RPS6KA2: variants seen among roughly 807,000 people sequenced by gnomAD.
RPS6KA2 encodes ribosomal protein S6 kinase alpha-2.
Under a neutral mutation model 91.8 loss-of-function variants are expected in RPS6KA2, and 42 were observed. The ratio of observed to expected loss-of-function variants is 0.46; its 90% confidence interval spans 0.36 to 0.59. The LOEUF is 0.59. Ranked by LOEUF, RPS6KA2 falls within the 20% of genes least tolerant of loss-of-function variation. RPS6KA2 has a pLI of 0.00. For missense variants in RPS6KA2, 798 were observed against 978.5 expected (o/e 0.82, Z 2.46); for synonymous variants, 414 against 393.6 (o/e 1.05, Z -0.61).
chr6:166,858,058 G>A, intron 2 of RPS6KA2: 2 of 682,268 alleles, frequency 2.9e-6, no homozygotes, highest in Non-Finnish European at 5.4e-6. Flanking sequence ...ACACGTTTGT[G>A]CATGTGTATG....
At chr6:166,658,984 C>T (rs1788080855) in intron 2 of RPS6KA2, among the ~76,000 whole-genome samples, 1 of 152,150 alleles carries the variant, frequency 6.6e-6, no homozygotes, top group Non-Finnish European at 1.5e-5. Flanking sequence ...ATGACATCCA[C>T]AGGCTTCCCC....
rs940009828 is a variant in RPS6KA2 at position 166,535,257 on chromosome 6, C to T, written c.216+3411G>A. On this transcript the variant is annotated intron_variant, in intron 2 of 20. Transcript: ENST00000265678. ...ACTGCCTCATGATGTCATGGATCAC[C>T]GTGATCTGCTGATTCTCTCAGCAGA... Among the ~76,000 whole-genome samples the T allele has an allele frequency of 2.0e-5, 3 of 152,136 alleles. No homozygotes were observed. The East Asian group carries it at 5.8e-4, about 29-fold the overall frequency.
chr6:166,616,617 C>T (rs1399056379), intron 1 of RPS6KA2, among the ~76,000 whole-genome samples: 1 of 152,212 alleles, frequency 6.6e-6, no homozygotes, highest in Non-Finnish European at 1.5e-5. Flanking sequence ...CGGAAAATGG[C>T]TCCAAAGGCT....
chr6:166,686,500 T>C (rs1389741814), intron 2 of RPS6KA2, among the ~76,000 whole-genome samples: 1 of 152,172 alleles, frequency 6.6e-6, no homozygotes, highest in Admixed American at 6.5e-5. Context: ...CCAGCACACA[T>C]GCTCTGCACC....
At chr6:166,804,287 T>C (rs921587660) in intron 2 of RPS6KA2, among the ~76,000 whole-genome samples, 4 of 151,828 alleles carry the variant, frequency 2.6e-5, no homozygotes, top group Non-Finnish European at 5.9e-5. Context: ...AGGCATTATA[T>C]AGAGCATTAT....
intron 2 of RPS6KA2, among the ~76,000 whole-genome samples, chr6:166,744,498 C>T (rs1187004700): frequency 6.6e-6 from 1 of 152,202 alleles, no homozygotes; most frequent in East Asian, 1.9e-4. Flanking sequence ...TGGCGACAGA[C>T]TTAAGAAAAA....
intron 2 of RPS6KA2, among the ~76,000 whole-genome samples, chr6:166,824,776 CGT>C (rs1491221333): frequency 5.3e-5 from 1 of 18,962 alleles, no homozygotes; most frequent in African/African-American, 1.8e-4. Context: ...TGTGTGTCTA[CGT>C]GTGTGTCTGT....
At chr6:166,453,230 C>CACAA (rs1429124159) in intron 12 of RPS6KA2, among the ~76,000 whole-genome samples, 1 of 146,472 alleles carries the variant, frequency 6.8e-6, no homozygotes, top group African/African-American at 2.7e-5. Context: ...CACACACACA[C>CACAA]AAAAAGGCTT....
At chr6:166,827,860 T>C (rs1481765097) in intron 2 of RPS6KA2, among the ~76,000 whole-genome samples, 2 of 152,250 alleles carry the variant, frequency 1.3e-5, no homozygotes, top group Non-Finnish European at 2.9e-5. Flanking sequence ...TTTTATGCTC[T>C]GCCTTCATTG....
chr6:166,518,471 G>T (rs994434215), intron 3 of RPS6KA2, among the ~76,000 whole-genome samples: 4 of 151,864 alleles, frequency 2.6e-5, no homozygotes, highest in African/African-American at 9.7e-5. Context: ...CAGAAAAAAG[G>T]TCAAAAGCCA....
chr6:166,468,723 G>A (rs1025440583), intron 11 of RPS6KA2, among the ~76,000 whole-genome samples: 1 of 152,002 alleles, frequency 6.6e-6, no homozygotes, highest in Non-Finnish European at 1.5e-5. Flanking sequence ...AAATTAGCCG[G>A]GCGTGGTGGG....
chr6:166,844,624 C>T (rs899851730), intron 2 of RPS6KA2, among the ~76,000 whole-genome samples: 1 of 152,090 alleles, frequency 6.6e-6, no homozygotes, highest in Non-Finnish European at 1.5e-5. Context: ...GTTTAGCCTC[C>T]TTAAAGAAAA....
rs1305506856 is a variant in RPS6KA2 at position 166,626,154 on chromosome 6, A to G, written c.99+767T>C. On this transcript the variant is annotated intron_variant, in intron 1 of 20. Coordinates refer to ENST00000265678, the MANE Select transcript of RPS6KA2 (RefSeq NM_021135.6). The surrounding 1 kb of genome is among the most constrained non-coding windows in gnomAD (Gnocchi z 4.1). ...CTGTTTTGTCATCTATAGATTCAACAATGTGATTTGGACACTGGGAATAAG... is the reference window on the plus strand; with the variant it reads ...CTGTTTTGTCATCTATAGATTCAACGATGTGATTTGGACACTGGGAATAAG... Among the ~76,000 whole-genome samples, 3 of 152,356 alleles carry G rather than the reference A, an allele frequency of 2.0e-5. No homozygotes were observed. Among genetic ancestry groups the G allele is most frequent in the African/African-American group, 7.2e-5 (3 of 41,578 alleles).
intron 2 of RPS6KA2, among the ~76,000 whole-genome samples, chr6:166,797,036 C>A (rs1779243420): frequency 2.6e-5 from 4 of 152,268 alleles, no homozygotes; most frequent in Admixed American, 2.6e-4. Context: ...AAGAGTGGCT[C>A]TCACGCCCGA....
chr6:166,536,435 C>A (rs1285609333), intron 2 of RPS6KA2, among the ~76,000 whole-genome samples: 1 of 152,222 alleles, frequency 6.6e-6, no homozygotes, highest in East Asian at 1.9e-4. Flanking sequence ...GCTTCTCCCC[C>A]TCGTCATCAG....
intron 14 of RPS6KA2, among the ~76,000 whole-genome samples, chr6:166,442,600 A>G (rs538588212): frequency 8.5e-5 from 13 of 152,202 alleles, no homozygotes; most frequent in East Asian, 7.7e-4. Context: ...ACCATATTCT[A>G]TCTAACGCCT....
At position 166,658,412 on chromosome 6, in the gene RPS6KA2, G is replaced by C. The variant is rs78411296; in HGVS notation, c.124-119628C>G. ...TCTCACAGCTGCGGAGCTGGTCGCC[G>C]TGTCACTCAGCTGTCAGCTGCTCTC... On this transcript the variant is annotated intron_variant, in intron 2 of 21. Coordinates refer to the RPS6KA2 transcript ENST00000503859. 1.1e-3 allele frequency among the ~76,000 whole-genome samples: 168 copies of C among 152,302 alleles called. 2 individuals carry two copies. Among genetic ancestry groups the C allele is most frequent in the African/African-American group, 3.9e-3 (162 of 41,566 alleles).
intron 2 of RPS6KA2, among the ~76,000 whole-genome samples, chr6:166,755,221 G>A (rs1472395033): frequency 1.3e-5 from 2 of 152,202 alleles, no homozygotes; most frequent in Non-Finnish European, 2.9e-5. Context: ...TCCAAGGGCA[G>A]CTTGCTGGTC....
chr6:166,765,480 C>T (rs768098725), intron 2 of RPS6KA2, among the ~76,000 whole-genome samples: 2 of 152,148 alleles, frequency 1.3e-5, no homozygotes, highest in African/African-American at 2.4e-5. Context: ...AGCTCAGGGA[C>T]GGGCGCAGTG....
Sources: allele counts gnomAD v4.1 joint callset (sites outside exome capture counted in the v4.1 genomes callset), GRCh38; gene constraint gnomAD v4.1.1; non-coding constraint Gnocchi (gnomAD v3.1); transcripts MANE v1.5; gene names NCBI Gene and HGNC (gene_info 2026-07-23, HGNC 2026-07-21).